BICC1: variants seen among roughly 807,000 people sequenced by gnomAD.
BICC1 encodes protein bicaudal C homolog 1.
Under a neutral mutation model 111.0 loss-of-function variants are expected in BICC1, and 43 were observed. The observed-to-expected ratio is 0.39, with a 90% confidence interval of 0.30 to 0.50. The LOEUF (loss-of-function observed/expected upper bound fraction) is 0.50, where lower values mean the gene tolerates loss of function less well. Ranked by LOEUF, BICC1 falls within the 20% of genes least tolerant of loss-of-function variation. BICC1 has a pLI of 0.88. For missense variants in BICC1, 1,091 were observed against 1,203.2 expected, an observed-to-expected ratio of 0.91 and a Z score of 1.38; for synonymous variants, 467 against 434.4, an observed-to-expected ratio of 1.07 and a Z score of -0.93.
chr10:58,708,421 CT>C (rs1478328938), intron 3 of BICC1, among the ~76,000 whole-genome samples: 1 of 152,162 alleles, frequency 6.6e-6, no homozygotes, highest in East Asian at 1.9e-4. Flanking sequence ...GGTTCGTTGT[CT>C]CATGCCAAGG....
chr10:58,706,285 G>A (rs1321313700), intron 3 of BICC1, among the ~76,000 whole-genome samples: 1 of 152,186 alleles, frequency 6.6e-6, no homozygotes, highest in East Asian at 1.9e-4. Context: ...AGTACAAATT[G>A]CATTCTTAAC....
intron 3 of BICC1, among the ~76,000 whole-genome samples, chr10:58,771,180 A>AAAAAGTGAT (rs1842615088): frequency 1.3e-5 from 2 of 152,158 alleles, no homozygotes; most frequent in African/African-American, 4.8e-5. Context: ...TTGCCCAAAG[A>AAAAAGTGAT]AAAAGTGATT....
At chr10:58,552,150 A>G (rs1009202696) in intron 1 of BICC1, among the ~76,000 whole-genome samples, 7 of 151,462 alleles carry the variant, frequency 4.6e-5, no homozygotes, top group African/African-American at 1.7e-4. Flanking sequence ...GAAAGAGTTC[A>G]CTCTTCATGT....
intron 2 of BICC1, among the ~76,000 whole-genome samples, chr10:58,647,277 C>T (rs1455538280): frequency 6.6e-6 from 1 of 152,068 alleles, no homozygotes; most frequent in Non-Finnish European, 1.5e-5. Context: ...CACTATTTGC[C>T]TATAGTAACT....
intron 2 of BICC1, among the ~76,000 whole-genome samples, chr10:58,689,125 G>A (rs1431774512): frequency 6.6e-6 from 1 of 152,086 alleles, no homozygotes; most frequent in Admixed American, 6.6e-5. Flanking sequence ...ATATCATCTA[G>A]GATCTAGGAT....
chr10:58,648,000 C>G (rs1033637958), intron 2 of BICC1, among the ~76,000 whole-genome samples: 1 of 152,124 alleles, frequency 6.6e-6, no homozygotes, highest in African/African-American at 2.4e-5. Flanking sequence ...ATATTTTTTT[C>G]TACCTTTATG....
At chr10:58,808,718 T>A (rs866863580) in intron 17 of BICC1, among the ~76,000 whole-genome samples, 10 of 10,280 alleles carry the variant, frequency 9.7e-4, no homozygotes, top group Middle Eastern at 0.031. Flanking sequence ...TTAAAAAAAA[T>A]TTTTTTTTTT....
intron 20 of BICC1, among the ~76,000 whole-genome samples, chr10:58,825,848 A>G (rs1394262785): frequency 6.6e-6 from 1 of 152,162 alleles, no homozygotes; most frequent in East Asian, 1.9e-4. Flanking sequence ...GGACCCACAT[A>G]AAGTGCCGCT....
rs150406801 is a variant in BICC1 at position 58,566,383 on chromosome 10, T to C, written c.190+53050T>C. ...ACACACACATATATGTACACCACGA[T>C]TTCTTTATCCAGTCATTGATTGATG... On this transcript the variant is annotated intron_variant, in intron 1 of 20. Coordinates refer to ENST00000373886, the MANE Select transcript of BICC1 (RefSeq NM_001080512.3). Among the ~76,000 whole-genome samples, 1,085 of 152,186 alleles carry C rather than the reference T, an allele frequency of 7.1e-3. 7 individuals are homozygous for C. Among genetic ancestry groups the C allele is most frequent in the Non-Finnish European group, 0.012 (824 of 67,980 alleles).
At chr10:58,571,498 G>A (rs577368427) in intron 1 of BICC1, among the ~76,000 whole-genome samples, 1 of 55,486 alleles carries the variant, frequency 1.8e-5, no homozygotes, top group Non-Finnish European at 3.8e-5. Context: ...TCCCACCCCC[G>A]CCCTCCGACA....
At chr10:58,823,911 T>C (rs1316415632) in intron 20 of BICC1, 9 of 985,134 alleles carry the variant, frequency 9.1e-6, no homozygotes, top group Non-Finnish European at 1.1e-5. Context: ...ACAAGATACA[T>C]GTATTCAGCT....
chr10:58,767,713 C>T (rs1043315809), intron 3 of BICC1, among the ~76,000 whole-genome samples: 3 of 151,976 alleles, frequency 2.0e-5, no homozygotes, highest in Non-Finnish European at 4.4e-5. Flanking sequence ...AAATAAAACT[C>T]GGTGTAATCA....
chr10:58,536,234 A>G (rs1842823423), intron 1 of BICC1, among the ~76,000 whole-genome samples: 1 of 151,670 alleles, frequency 6.6e-6, no homozygotes, highest in Non-Finnish European at 1.5e-5. Context: ...ATATTTACAG[A>G]ACATTCTACT....
In BICC1 at chr10:58,577,923, G is replaced by A. The variant is rs1208718773; in HGVS notation, c.191-42932G>A. Among the ~76,000 whole-genome samples, 12 of 152,252 alleles carry A rather than the reference G, an allele frequency of 7.9e-5. No individual in the cohort carries two copies. The East Asian group carries it at 1.9e-3, about 25-fold the overall frequency. On this transcript the variant is annotated intron_variant, in intron 1 of 20. Transcript: ENST00000373886. Reference sequence around the variant, plus strand: ...AAGCTGTGTTTTTGCTTTAAAAATTGCATTTAGCCCTCTCTATGTGCAAAT... The same window carrying A: ...AAGCTGTGTTTTTGCTTTAAAAATTACATTTAGCCCTCTCTATGTGCAAAT...
intron 1 of BICC1, among the ~76,000 whole-genome samples, chr10:58,521,234 C>T (rs191710942): frequency 6.6e-6 from 1 of 152,148 alleles, no homozygotes; most frequent in Admixed American, 6.5e-5. Context: ...AGCCATGTGG[C>T]CTGGGACAAA....
chr10:58,589,843 G>A (rs1844549082), intron 1 of BICC1, among the ~76,000 whole-genome samples: 1 of 151,916 alleles, frequency 6.6e-6, no homozygotes, highest in South Asian at 2.1e-4. Context: ...AGCCCAGGTT[G>A]GAGTGCAGTG....
At chr10:58,656,248 A>AG (rs1470822954) in intron 2 of BICC1, among the ~76,000 whole-genome samples, 2 of 151,656 alleles carry the variant, frequency 1.3e-5, no homozygotes, top group East Asian at 3.9e-4. Context: ...AGATGGATTC[A>AG]CAGCCGAATT....
rs148482755 is a variant in BICC1 at position 58,676,080 on chromosome 10, G to A, written c.238-25994G>A. 2.0e-3 allele frequency among the ~76,000 whole-genome samples: 308 copies of A among 152,282 alleles called. 1 individual carries two copies. The highest frequency in any genetic ancestry group is 6.4e-3 in the African/African-American group (264 of 41,574). Reference sequence around the variant, plus strand: ...CAAGGGAAGCTATGAGTGAGGGATGGTGCTATCTGGCCCAGATACTACATT... The same window carrying A: ...CAAGGGAAGCTATGAGTGAGGGATGATGCTATCTGGCCCAGATACTACATT... On this transcript the variant is annotated intron_variant, in intron 2 of 20. Transcript: ENST00000373886.
intron 1 of BICC1, among the ~76,000 whole-genome samples, chr10:58,535,965 TAA>T (rs200404524): frequency 5.2e-5 from 7 of 134,360 alleles, no homozygotes; most frequent in Admixed American, 7.5e-5. Flanking sequence ...GCAACAATAG[TAA>T]AAAAAAAAAA....
Sources: gnomAD v4.1 joint callset for allele counts (sites outside exome capture counted in the v4.1 genomes callset) on GRCh38, gnomAD v4.1.1 for gene constraint, MANE v1.5 for transcripts, NCBI Gene and HGNC (gene_info 2026-07-23, HGNC 2026-07-21) for gene names.